CDK11A: variants seen among roughly 807,000 people sequenced by gnomAD.
The protein encoded by CDK11A is cyclin dependent kinase 11A.
In CDK11A, 55 loss-of-function variants were observed where a neutral mutation model predicts 83.6. The ratio of observed to expected loss-of-function variants is 0.66; its 90% confidence interval spans 0.53 to 0.82. CDK11A has a LOEUF of 0.82. Ranked by LOEUF, CDK11A falls within the 40% of genes least tolerant of loss-of-function variation. CDK11A has a pLI of 0.00. For missense variants in CDK11A, 564 were observed against 810.1 expected, an observed-to-expected ratio of 0.70 and a Z score of 3.69; for synonymous variants, 247 against 302.7, an observed-to-expected ratio of 0.82 and a Z score of 1.91.
At chr1:1,720,694 G>C (rs1331893337) in intron 3 of CDK11A, among the ~76,000 whole-genome samples, 2 of 48,706 alleles carry the variant, frequency 4.1e-5, no homozygotes, top group Non-Finnish European at 1.8e-4. Context: ...ATCGCACCCG[G>C]ACTTATTATT....
At chr1:1,722,682 C>G in intron 2 of CDK11A, 26 bp downstream of exon 2, 4 of 1,550,552 alleles carry the variant, frequency 2.6e-6, no homozygotes, top group Middle Eastern at 1.7e-4. Context: ...TTAAGAAAAC[C>G]ACTTACTTAA....
At chr1:1,722,144 A>G (rs2101364062) in intron 2 of CDK11A, among the ~76,000 whole-genome samples, 1 of 151,270 alleles carries the variant, frequency 6.6e-6, no homozygotes, top group East Asian at 1.9e-4. Flanking sequence ...AGCACATGCT[A>G]TTGGAAAAAT....
rs1330228949 is a variant in CDK11A at position 1,706,026 on chromosome 1, T to G, written c.1246-294A>C. On this transcript the variant is annotated intron_variant, in intron 11 of 19. Transcript: ENST00000404249. The stretch of plus-strand genomic sequence containing the variant: ...GGGAGGGCAAGGCAGGAGGATTGCT[T>G]GAGCCCAGGAGTTCAAGACCAGCCT... Among the ~76,000 whole-genome samples, 2 of 150,836 alleles carry G rather than the reference T, an allele frequency of 1.3e-5. 1 individual carries two copies.
intron 5 of CDK11A, among the ~76,000 whole-genome samples, chr1:1,715,168 G>C (rs1409860044): frequency 8.9e-6 from 1 of 112,926 alleles, no homozygotes; most frequent in African/African-American, 2.9e-5. Context: ...AAGCATCAGT[G>C]CTTCTCAGAT....
intron 5 of CDK11A, among the ~76,000 whole-genome samples, chr1:1,715,215 C>A (rs547082056): frequency 9.1e-6 from 1 of 109,748 alleles, no homozygotes; most frequent in Non-Finnish European, 2.1e-5. Flanking sequence ...GAGACAAGGT[C>A]TCTCTACGTT....
intron 4 of CDK11A, among the ~76,000 whole-genome samples, chr1:1,717,522 T>G (rs1292893557): frequency 1.3e-5 from 2 of 151,332 alleles, no homozygotes; most frequent in Non-Finnish European, 3.0e-5. Flanking sequence ...GTAAACAAAC[T>G]GCTCCCAAAC....
intron 18 of CDK11A, 53 bp downstream of exon 18, chr1:1,703,423 G>C: frequency 7.2e-7 from 1 of 1,388,640 alleles, no homozygotes; most frequent in East Asian, 2.6e-5. Flanking sequence ...CTGGGACTGG[G>C]AAGTCACCGC....
chr1:1,720,003 T>A (rs1644842951), intron 3 of CDK11A, among the ~76,000 whole-genome samples: 1 of 150,598 alleles, frequency 6.6e-6, no homozygotes, highest in Admixed American at 6.7e-5. Context: ...CTGCAGGGGG[T>A]GAGGGGCAGG....
intron 3 of CDK11A, among the ~76,000 whole-genome samples, chr1:1,720,106 T>A (rs1644849182): frequency 6.6e-6 from 1 of 150,816 alleles, no homozygotes; most frequent in African/African-American, 2.4e-5. Flanking sequence ...TTATTTATTT[T>A]ATTTGAGATT....
At chr1:1,720,580 G>C (rs1470000742) in intron 3 of CDK11A, among the ~76,000 whole-genome samples, 1 of 149,864 alleles carries the variant, frequency 6.7e-6, no homozygotes, top group Non-Finnish European at 1.5e-5. Context: ...TATATTTTTA[G>C]TAGAGACGGG....
chr1:1,717,279 C>T (rs866186367), intron 4 of CDK11A, among the ~76,000 whole-genome samples: 1 of 151,100 alleles, frequency 6.6e-6, no homozygotes, highest in Non-Finnish European at 1.5e-5. Flanking sequence ...CAAAGCTTTG[C>T]TATCAGTGGG....
At chr1:1,720,819 G>A (rs1193738840) in intron 3 of CDK11A, among the ~76,000 whole-genome samples, 1 of 151,204 alleles carries the variant, frequency 6.6e-6, no homozygotes, top group African/African-American at 2.4e-5. Flanking sequence ...AGCCTCCTGA[G>A]TAGCTGGGAC....
At chr1:1,706,025 T>C (rs1321420033) in intron 11 of CDK11A, among the ~76,000 whole-genome samples, 1 of 150,862 alleles carries the variant, frequency 6.6e-6, no homozygotes, top group Non-Finnish European at 1.5e-5. Flanking sequence ...GGAGGATTGC[T>C]TGAGCCCAGG....
intron 2 of CDK11A, among the ~76,000 whole-genome samples, chr1:1,722,106 C>G (rs1017868442): frequency 6.7e-6 from 1 of 149,352 alleles, no homozygotes; most frequent in African/African-American, 2.5e-5. Flanking sequence ...GATTCCGTCT[C>G]AAAAACAAAA....
At chr1:1,718,912 A>G (rs1386997028) in intron 4 of CDK11A, among the ~76,000 whole-genome samples, 20 of 150,052 alleles carry the variant, frequency 1.3e-4, no homozygotes, top group Non-Finnish European at 1.0e-4. Flanking sequence ...CTGGGATTAC[A>G]GGCTTGAGCC....
rs1644585337 is a variant in CDK11A at position 1,714,997 on chromosome 1, T to C, written c.488+1349A>G. 1.3e-5 allele frequency among the ~76,000 whole-genome samples: 2 copies of C among 149,170 alleles called. 1 individual carries two copies. The highest frequency in any genetic ancestry group is 4.9e-5 in the African/African-American group (2 of 40,692). On this transcript the variant is annotated intron_variant, in intron 5 of 19. Transcript: ENST00000404249. ...CCACTGCCCACTGCTCTAAACGGAG[T>C]AACCCCTTCCAAGGCAGCAAGGAAA...
chr1:1,717,783 T>G (rs1429605733), intron 4 of CDK11A, among the ~76,000 whole-genome samples: 1 of 150,418 alleles, frequency 6.6e-6, no homozygotes, highest in Non-Finnish European at 1.5e-5. Flanking sequence ...TAGAGTTTGC[T>G]CTCTCTGGTT....
In CDK11A at chr1:1,721,687, C is replaced by T. The variant is rs1644912290; in HGVS notation, c.136G>A (p.Asp46Asn). 6.3e-7 allele frequency: 1 copy of T among 1,592,742 alleles called. No homozygotes were observed. The highest frequency in any genetic ancestry group is 1.3e-5 in the African/African-American group (1 of 74,308). ...KNSDDRDSKR[D>N]SLEEGELRDH... ...CTCAGCTCCCCCTCCTCAAGGGAATCCCGCTTGGAATCCCGGTCATCAGAC... is the reference window on the plus strand; with the variant it reads ...CTCAGCTCCCCCTCCTCAAGGGAATTCCGCTTGGAATCCCGGTCATCAGAC... The change falls in exon 3 of 20, where the codon GAT becomes AAT. Residue 46 changes from aspartate (D) to asparagine (N), a missense_variant. Physicochemically the swap from Asp to Asn is conservative, Grantham distance 23. Transcript: ENST00000404249.
chr1:1,704,563 C>CTGTT lies in CDK11A; in HGVS notation c.1547_1550dup (p.Pro518ThrfsTer31). The CTGTT allele has an allele frequency of 6.2e-7, 1 of 1,604,842 alleles. No individual in the cohort carries two copies. The highest frequency in any genetic ancestry group is 8.5e-7 in the Non-Finnish European group (1 of 1,174,854). On this transcript the variant is annotated frameshift_variant, in exon 14 of 20. Transcript: ENST00000404249. LOFTEE classifies it high-confidence loss of function. The stretch of plus-strand genomic sequence containing the variant: ...GCGCGGCTGTACCTGGCAGGAAGGG[C>CTGTT]TGTTTCATGGTCTCCATCAGGCTCT...
Sources: gnomAD v4.1 joint callset for allele counts (sites outside exome capture counted in the v4.1 genomes callset) on GRCh38, gnomAD v4.1.1 for gene constraint, MANE v1.5 for transcripts, NCBI Gene and HGNC (gene_info 2026-07-23, HGNC 2026-07-21) for gene names.